FAM107B: variants seen among roughly 807,000 people sequenced by gnomAD.
FAM107B encodes the protein family with sequence similarity 107 member B.
FAM107B carries 21 observed loss-of-function variants against 31.5 expected under a neutral mutation model. That is an observed-to-expected ratio of 0.67 (90% confidence interval 0.47 to 0.96). The LOEUF (loss-of-function observed/expected upper bound fraction) is 0.96. Among genes scored for constraint, FAM107B ranks in the 40% least tolerant of loss-of-function variants. The probability of loss-of-function intolerance (pLI) is 0.00; values close to 1 mark genes in which losing one functional copy is unlikely to be tolerated. For missense variants in FAM107B, 452 were observed against 377.1 expected (o/e 1.20, Z -1.64); for synonymous variants, 157 against 141.5 (o/e 1.11, Z -0.78).
rs370428393 is a variant in FAM107B, at chr10:14,766,578, C to T, written c.411+7675G>A. 1.3e-3 allele frequency among the ~76,000 whole-genome samples: 203 copies of T among 152,000 alleles called. 2 individuals are homozygous for T. In the South Asian group the frequency reaches 0.041, roughly 30 times the overall value. ...TTTTTACTCTGAGGGAAATAGGGAGCATTTGGAGGGTTTTGAGCAGAAGAG... is the reference window on the plus strand; with the variant it reads ...TTTTTACTCTGAGGGAAATAGGGAGTATTTGGAGGGTTTTGAGCAGAAGAG... On this transcript the variant is annotated intron_variant, in intron 1 of 4. Coordinates refer to ENST00000181796, the MANE Select transcript of FAM107B (RefSeq NM_031453.4).
intron 2 of FAM107B, among the ~76,000 whole-genome samples, chr10:14,586,198 T>C (rs1235749221): frequency 6.6e-6 from 1 of 152,154 alleles, no homozygotes. Flanking sequence ...CTCTCACTTC[T>C]ACAACTCACA....
At chr10:14,694,918 A>G (rs942605009) in intron 1 of FAM107B, among the ~76,000 whole-genome samples, 1 of 152,086 alleles carries the variant, frequency 6.6e-6, no homozygotes, top group African/African-American at 2.4e-5. Context: ...TATCAGAGAT[A>G]TATTTTGTAT....
chr10:14,542,805 C>T (rs777642459), intron 2 of FAM107B: 1 of 152,134 alleles, frequency 6.6e-6, no homozygotes, highest in African/African-American at 2.4e-5. Context: ...ACTAAAACTC[C>T]GTAACATTAA....
chr10:14,612,029 TA>T (rs1197060159), intron 2 of FAM107B, among the ~76,000 whole-genome samples: 1 of 151,588 alleles, frequency 6.6e-6, no homozygotes, highest in African/African-American at 2.4e-5. Flanking sequence ...CTTATTTATA[TA>T]AAAAGTTCCA....
At position 14,552,982 on chromosome 10, in the gene FAM107B, G is replaced by A. The variant is rs200004175; in HGVS notation, c.470-22467C>T. ...ATTTGGCAGCTCTCTTGAGACTAGCGAAAGCACACAAAAACGTCCAACAGC... is the reference window on the plus strand; with the variant it reads ...ATTTGGCAGCTCTCTTGAGACTAGCAAAAGCACACAAAAACGTCCAACAGC... On this transcript the variant is annotated intron_variant, in intron 2 of 4. Transcript: ENST00000181796. Among the ~76,000 whole-genome samples the A allele has an allele frequency of 1.4e-4, 21 of 152,246 alleles. No individual in the cohort carries two copies. In the East Asian group the frequency reaches 2.1e-3, roughly 15 times the overall value.
chr10:14,667,452 C>T (rs1036603794), intron 2 of FAM107B, among the ~76,000 whole-genome samples, 182 bp downstream of exon 2: 2 of 152,212 alleles, frequency 1.3e-5, no homozygotes, highest in African/African-American at 4.8e-5. Context: ...CTATTTTCTG[C>T]ATCACAACCA....
intron 1 of FAM107B, among the ~76,000 whole-genome samples, chr10:14,701,677 C>G (rs1201010020): frequency 1.3e-5 from 2 of 151,644 alleles, no homozygotes; most frequent in African/African-American, 2.4e-5. Context: ...ATCAGGAAAC[C>G]AGAAAGAATG....
intron 2 of FAM107B, among the ~76,000 whole-genome samples, chr10:14,590,809 C>G (rs1448571001): frequency 1.4e-5 from 2 of 145,306 alleles, no homozygotes; most frequent in African/African-American, 5.0e-5. Context: ...TGGAGAAACC[C>G]TGTCTCTACT....
intron 2 of FAM107B, among the ~76,000 whole-genome samples, chr10:14,534,194 C>G (rs1241843799): frequency 6.6e-6 from 1 of 152,134 alleles, no homozygotes; most frequent in Admixed American, 6.5e-5. Context: ...GAACAGGTGG[C>G]ATGGTCCCTG....
chr10:14,759,126 G>A (rs607582), intron 1 of FAM107B, among the ~76,000 whole-genome samples: 6 of 151,364 alleles, frequency 4.0e-5, no homozygotes, highest in East Asian at 1.9e-4. Context: ...GCAGTGAGCC[G>A]AGATCGCACC....
At chr10:14,667,989 T>G (rs1854449410) in intron 1 of FAM107B, among the ~76,000 whole-genome samples, 1 of 152,086 alleles carries the variant, frequency 6.6e-6, no homozygotes, top group Admixed American at 6.5e-5. Context: ...GTGACTAATA[T>G]ATTTGAAGGC....
chr10:14,764,736 C>G (rs1436877429), intron 1 of FAM107B, among the ~76,000 whole-genome samples: 2 of 152,182 alleles, frequency 1.3e-5, no homozygotes, highest in African/African-American at 2.4e-5. Flanking sequence ...TTCAACCAGC[C>G]CCTATGGTTC....
At chr10:14,632,360 C>G (rs1032926255) in intron 2 of FAM107B, among the ~76,000 whole-genome samples, 1 of 147,912 alleles carries the variant, frequency 6.8e-6, no homozygotes, top group Non-Finnish European at 1.5e-5. Context: ...GCCTGTAATC[C>G]CAGCACTTTG....
intron 3 of FAM107B, among the ~76,000 whole-genome samples, chr10:14,525,909 C>T (rs1846177308): frequency 6.6e-6 from 1 of 152,156 alleles, no homozygotes; most frequent in Non-Finnish European, 1.5e-5. Flanking sequence ...AACATACAGA[C>T]AACTTTGAAA....
chr10:14,634,667 G>A lies in FAM107B; in HGVS notation c.469+32967C>T, dbSNP rs74488916. Among the ~76,000 whole-genome samples, 634 of 152,280 alleles carry A rather than the reference G, an allele frequency of 4.2e-3. 4 individuals are homozygous for A. Among genetic ancestry groups the A allele is most frequent in the African/African-American group, 0.014 (595 of 41,542 alleles). On this transcript the variant is annotated intron_variant, in intron 2 of 4. Transcript: ENST00000181796. ...AGCAGGCAGAAACTGGAGCAGGAAGGGTCTACATTTGGGAGGAGGATGGCG... is the reference window on the plus strand; with the variant it reads ...AGCAGGCAGAAACTGGAGCAGGAAGAGTCTACATTTGGGAGGAGGATGGCG...
intron 1 of FAM107B, among the ~76,000 whole-genome samples, chr10:14,718,909 C>A (rs112326700): frequency 1.3e-5 from 2 of 152,106 alleles, no homozygotes; most frequent in Non-Finnish European, 2.9e-5. Flanking sequence ...TGACTCTCAA[C>A]GACCTTGAGA....
intron 1 of FAM107B, among the ~76,000 whole-genome samples, chr10:14,735,899 G>T (rs1179721253): frequency 2.0e-5 from 3 of 152,046 alleles, no homozygotes; most frequent in African/African-American, 7.2e-5. Context: ...TATCTCTACA[G>T]TACTAAAATG....
At chr10:14,537,796 C>T (rs1030934232) in intron 2 of FAM107B, among the ~76,000 whole-genome samples, 3 of 145,174 alleles carry the variant, frequency 2.1e-5, no homozygotes, top group South Asian at 4.4e-4. Flanking sequence ...GATTGCGCCA[C>T]TGCACTCCAG....
intron 1 of FAM107B, among the ~76,000 whole-genome samples, chr10:14,736,921 C>T (rs6602758): frequency 0.091 from 13,773 of 152,184 alleles, 651 homozygotes; most frequent in East Asian, 0.14. Context: ...TGTTGTCCCC[C>T]AGCACTCAGA....
Sources: allele counts gnomAD v4.1 joint callset (sites outside exome capture counted in the v4.1 genomes callset), GRCh38; gene constraint gnomAD v4.1.1; transcripts MANE v1.5; gene names NCBI Gene and HGNC (gene_info 2026-07-23, HGNC 2026-07-21).